The following ZRANB2 variants were observed in gnomAD, a reference collection of about 807,000 sequenced individuals.
The protein encoded by ZRANB2 is zinc finger Ran-binding domain-containing protein 2.
ZRANB2 carries 19 observed loss-of-function variants against 53.4 expected under a neutral mutation model. That is an observed-to-expected ratio of 0.36 (90% CI 0.25 to 0.52). The LOEUF is 0.52. Ranked by LOEUF, ZRANB2 falls within the 20% of genes least tolerant of loss-of-function variation. The pLI is 0.93. For synonymous variants in ZRANB2, 145 were observed against 134.8 expected, an observed-to-expected ratio of 1.08 and a Z score of -0.52; for missense variants, 309 against 401.1, an observed-to-expected ratio of 0.77 and a Z score of 1.96.
chr1:71,074,666 A>T (rs191725427), intron 4 of ZRANB2, among the ~76,000 whole-genome samples: 2,141 of 144,234 alleles, frequency 0.015, 38 homozygotes, highest in African/African-American at 0.041. Context: ...TTTTTTTTTT[A>T]AAAAAAAGCT....
intron 5 of ZRANB2, 80 bp downstream of exon 5, chr1:71,072,392 A>G: frequency 6.7e-7 from 1 of 1,481,938 alleles, no homozygotes; most frequent in Non-Finnish European, 9.1e-7. Flanking sequence ...ACTTAAAAAA[A>G]AGTTTGTTTT....
chr1:71,065,892 C>A, intron 9 of ZRANB2: 1 of 1,268,258 alleles, frequency 7.9e-7, no homozygotes, highest in Non-Finnish European at 1.1e-6. Flanking sequence ...ATTTTTTTTA[C>A]AAAGAAACAA....
At chr1:71,072,045 G>A in intron 6 of ZRANB2, 76 bp downstream of exon 6, 1 of 1,538,186 alleles carries the variant, frequency 6.5e-7, no homozygotes, top group South Asian at 1.3e-5. Context: ...CCAAGTGTCT[G>A]AGGCTGTCAA....
Position 71,069,312 on chromosome 1 carries a change from G to T in ZRANB2, c.734C>A (p.Ser245Tyr). The change falls in exon 8 of 10, where the codon TCC becomes TAC. Residue 245 changes from serine to tyrosine, a missense_variant. Transcript: ENST00000370920. ...CCCACGAGATCTCGAACGTTCTCTG[G>T]AACTGGAACGAGATCTTGACTGCGA... ...SSSQSRSRSS[S>Y]RERSRSRGSK... The T allele has an allele frequency of 6.2e-7, 1 of 1,612,382 alleles. No individual in the cohort carries two copies. The highest frequency in any genetic ancestry group is 1.1e-5 in the South Asian group (1 of 90,968).
chr1:71,079,116 G>C (rs1661776533), intron 1 of ZRANB2, among the ~76,000 whole-genome samples: 1 of 151,938 alleles, frequency 6.6e-6, no homozygotes, highest in African/African-American at 2.4e-5. Flanking sequence ...ATAAATCAAG[G>C]AGGGCTTCAT....
rs1195988511 is a variant in ZRANB2, at chr1:71,069,333, T to C, written c.713A>G (p.Gln238Arg). The C allele has an allele frequency of 1.5e-5, 24 of 1,612,938 alleles. No individual in the cohort carries two copies. Among genetic ancestry groups the C allele is most frequent in the African/African-American group, 2.7e-5 (2 of 74,788 alleles). ...TCTGGAACTGGAACGAGATCTTGAC[T>C]GCGAACTGGAAGAACTTCTTGAACG... is the stretch of plus-strand genomic sequence containing the variant. Reference protein sequence around the residue: ...RSRSRSSSSSQSRSRSSSRER... With the variant: ...RSRSRSSSSSRSRSRSSSRER... Residue 238 changes from glutamine (Q) to arginine (R), a missense_variant, in exon 8 of 10, where the codon CAG becomes CGG. Gln to Arg is a conservative substitution (Grantham distance 43). Transcript: ENST00000370920.
intron 8 of ZRANB2, 59 bp downstream of exon 8, chr1:71,069,217 C>G: frequency 7.1e-7 from 1 of 1,405,946 alleles, no homozygotes; most frequent in South Asian, 1.3e-5. Context: ...GCAGCAACAC[C>G]TTCTGCAGCC....
chr1:71,080,477 T>C (rs139068241), intron 1 of ZRANB2, among the ~76,000 whole-genome samples: 78 of 152,088 alleles, frequency 5.1e-4, no homozygotes, highest in Admixed American at 2.1e-3. Flanking sequence ...GAGGAAAAGT[T>C]TGAGTAAAAA....
chr1:71,079,288 G>T (rs910499136), intron 1 of ZRANB2, among the ~76,000 whole-genome samples: 5 of 152,088 alleles, frequency 3.3e-5, no homozygotes, highest in African/African-American at 2.4e-5. Flanking sequence ...TGAAAAAAAT[G>T]ACACAACCAC....
At position 71,064,970 on chromosome 1, in the gene ZRANB2, T is replaced by C. The variant is rs528544138; in HGVS notation, c.*104A>G. The C allele has an allele frequency of 1.7e-4, 113 of 668,548 alleles. 1 individual carries two copies. The East Asian group carries it at 2.1e-3, about 13-fold the overall frequency. 41.4% of individuals were successfully genotyped at this position (668,548 alleles called of 1,614,324 possible). On this transcript the variant is annotated 3_prime_UTR_variant, in exon 10 of 10. Coordinates refer to ENST00000370920, the MANE Select transcript of ZRANB2 (RefSeq NM_203350.3). ...TGAAAAGCAATGAAAGGCATGCACC[T>C]CTACTAGCAGATTTAGCACTTCTGA...
Position 71,070,932 on chromosome 1 carries a change from C to T in ZRANB2, c.578G>A (p.Ser193Asn), listed in dbSNP as rs1283829346. 1 of 1,611,230 alleles carries T rather than the reference C, an allele frequency of 6.2e-7. No homozygotes were observed. The highest frequency in any genetic ancestry group is 8.5e-7 in the Non-Finnish European group (1 of 1,178,754). ...TCGTCTATTAGATTTCTTTTTATTACTATCTTCTTCTTCACTGGCATCAAG... is the reference window on the plus strand; with the variant it reads ...TCGTCTATTAGATTTCTTTTTATTATTATCTTCTTCTTCACTGGCATCAAG... ...YNLDASEEED[S>N]NKKKSNRRSR... Residue 193 changes from serine to asparagine, a missense_variant, in exon 7 of 10, where the codon AGT (serine) becomes AAT (asparagine). Ser to Asn is a conservative substitution (Grantham distance 46). Around this residue, in one of 3 missense-constraint regions of ZRANB2, gnomAD observed 211 missense variants for 196.1 expected, o/e 1.08. Transcript: ENST00000370920.
At chr1:71,072,799 A>G (rs1416037725) in intron 4 of ZRANB2, among the ~76,000 whole-genome samples, 1 of 152,136 alleles carries the variant, frequency 6.6e-6, no homozygotes, top group Non-Finnish European at 1.5e-5. Context: ...TATTTAATTC[A>G]TAGAAAGTAT....
At chr1:71,067,008 G>A (rs1661458932) in intron 8 of ZRANB2, 74 bp from the exon 9 acceptor site, 1 of 1,390,278 alleles carries the variant, frequency 7.2e-7, no homozygotes, top group Admixed American at 2.8e-5. Flanking sequence ...TTATCAGATA[G>A]CTCCAAAAAT....
chr1:71,080,484 A>G (rs1461707595), intron 1 of ZRANB2, among the ~76,000 whole-genome samples: 2 of 152,204 alleles, frequency 1.3e-5, no homozygotes, highest in Non-Finnish European at 2.9e-5. Flanking sequence ...AGTTTGAGTA[A>G]AAATACAAAA....
At position 71,065,662 on chromosome 1, in the gene ZRANB2, A is replaced by G. The variant is rs541906223; in HGVS notation, c.930-525T>C. ...GGTTATATTCATGCAGCTAGTATGA[A>G]TAAGTCAATATCAACCTGGGTAAAG... is the stretch of plus-strand genomic sequence containing the variant. On this transcript the variant is annotated intron_variant, in intron 9 of 9. Transcript: ENST00000370920. The G allele has an allele frequency of 3.7e-5, 60 of 1,606,036 alleles. No individual in the cohort carries two copies. In the South Asian group the frequency reaches 6.0e-4, roughly 16 times the overall value.
intron 4 of ZRANB2, among the ~76,000 whole-genome samples, chr1:71,073,783 A>T (rs1661645389): frequency 6.6e-6 from 1 of 151,618 alleles, no homozygotes; most frequent in African/African-American, 2.4e-5. Flanking sequence ...TATGTAAATA[A>T]AATTATTTTA....
intron 4 of ZRANB2, among the ~76,000 whole-genome samples, chr1:71,074,400 C>G (rs1661660965): frequency 6.6e-6 from 1 of 151,964 alleles, no homozygotes; most frequent in Admixed American, 6.6e-5. Flanking sequence ...AAAAGCTGAG[C>G]AAGGGCCAAG....
In ZRANB2 at chr1:71,064,380, A is replaced by G. The variant is rs1198472391; in HGVS notation, c.*694T>C. The G allele has an allele frequency of 3.3e-5, 5 of 152,372 alleles. No homozygotes were observed. Among genetic ancestry groups the G allele is most frequent in the Admixed American group, 3.3e-4 (5 of 15,266 alleles). The allele number at this position is 152,372 out of a possible 1,614,324, so 9.4% of individuals were successfully genotyped here. A position where few individuals can be genotyped will look rare whatever the true frequency, so the allele number is the denominator to read the frequency against. ...GATGTCTTTATCAAGCAACCGTATC[A>G]GCAGAGAAAAGATAAACTCTTAAGA... On this transcript the variant is annotated 3_prime_UTR_variant, in exon 10 of 10. Coordinates refer to ENST00000370920, the MANE Select transcript of ZRANB2 (RefSeq NM_203350.3).
In ZRANB2 at chr1:71,065,126, G is replaced by T; in HGVS notation, c.941C>A (p.Ser314Ter). 1 of 1,611,228 alleles carries T rather than the reference G, an allele frequency of 6.2e-7. No homozygotes were observed. The highest frequency in any genetic ancestry group is 8.5e-7 in the Non-Finnish European group (1 of 1,178,148). Residue 314 changes from serine (S) to a stop codon, truncating the protein, a stop_gained, in exon 10 of 10, where the codon TCA (serine) becomes TAA (stop). Coordinates refer to ENST00000370920, the MANE Select transcript of ZRANB2 (RefSeq NM_203350.3). LOFTEE classifies it high-confidence loss of function. The part of the protein sequence containing the change: ...RSRSPERRHR[S>*]SSGSSHSGSR... ...ACCAGAATGGGATGATCCAGATGAT[G>T]ACCTGTGGCGTCTGTAAGACATAAT...
Sources: allele counts gnomAD v4.1 joint callset (sites outside exome capture counted in the v4.1 genomes callset), GRCh38; gene constraint gnomAD v4.1.1; regional missense constraint gnomAD v4.1.1; transcripts MANE v1.5; gene names NCBI Gene and HGNC (gene_info 2026-07-23, HGNC 2026-07-21).